ARHGAP18: variants seen among roughly 807,000 people sequenced by gnomAD.
The protein encoded by ARHGAP18 is rho GTPase-activating protein 18.
ARHGAP18 carries 67 observed loss-of-function variants against 86.2 expected under a neutral mutation model. The observed-to-expected ratio is 0.78, with a 90% confidence interval of 0.64 to 0.95. The LOEUF is 0.95. Ranked by LOEUF, ARHGAP18 falls within the 40% of genes least tolerant of loss-of-function variation. ARHGAP18 has a pLI of 0.00. For synonymous variants in ARHGAP18, 283 were observed against 280.4 expected (o/e 1.01, Z -0.09); for missense variants, 691 against 780.4 (o/e 0.89, Z 1.37).
At position 129,676,371 on chromosome 6, in the gene ARHGAP18, T is replaced by A. The variant is rs190541843; in HGVS notation, c.113+33653A>T. Among the ~76,000 whole-genome samples, 1,125 of 152,230 alleles carry A rather than the reference T, an allele frequency of 7.4e-3. 9 individuals are homozygous for A. The highest frequency in any genetic ancestry group is 0.027 in the Middle Eastern group (8 of 294). On this transcript the variant is annotated intron_variant, in intron 1 of 14. Transcript: ENST00000368149. ...TCCAATAACACCATTAGAACCTACA[T>A]CACAGGGTCAGTCTATTCAAGGGGG...
chr6:129,678,188 GGTCT>G (rs958538634), intron 1 of ARHGAP18, among the ~76,000 whole-genome samples: 22 of 152,300 alleles, frequency 1.4e-4, no homozygotes, highest in Admixed American at 7.8e-4. Context: ...GAACCCCAGA[GGTCT>G]GTAAGGTAGG....
intron 1 of ARHGAP18, among the ~76,000 whole-genome samples, chr6:129,706,724 T>C (rs1584126137): frequency 6.6e-6 from 1 of 150,526 alleles, no homozygotes; most frequent in Non-Finnish European, 1.5e-5. Flanking sequence ...CCGTCTCTAC[T>C]AAAAATACAA....
chr6:129,655,337 A>AAG (rs1554339768), intron 1 of ARHGAP18, among the ~76,000 whole-genome samples: 242 of 98,670 alleles, frequency 2.5e-3, no homozygotes, highest in South Asian at 4.8e-3. Context: ...AAAAAAAAAA[A>AAG]AAAAGAAAAG....
chr6:129,615,871 A>G (rs1789087070), intron 7 of ARHGAP18, among the ~76,000 whole-genome samples: 1 of 152,250 alleles, frequency 6.6e-6, no homozygotes, highest in Non-Finnish European at 1.5e-5. Context: ...GAGGAAATAT[A>G]CACAGGCATG....
At chr6:129,688,488 G>A (rs757129883) in intron 1 of ARHGAP18, among the ~76,000 whole-genome samples, 22 of 152,310 alleles carry the variant, frequency 1.4e-4, no homozygotes, top group Admixed American at 6.5e-4. Context: ...CCACAGCACA[G>A]TTTTTAAAAA....
chr6:129,593,959 C>T (rs555496860), intron 12 of ARHGAP18, among the ~76,000 whole-genome samples: 11 of 152,156 alleles, frequency 7.2e-5, no homozygotes, highest in South Asian at 2.1e-4. Context: ...CAATTATAAA[C>T]GGTTAGTTTT....
intron 1 of ARHGAP18, among the ~76,000 whole-genome samples, chr6:129,662,702 T>C (rs905621653): frequency 2.6e-5 from 4 of 152,318 alleles, no homozygotes; most frequent in African/African-American, 9.6e-5. Context: ...ACAGCTCACA[T>C]TGATACAAGA....
chr6:129,709,917 C>T lies in ARHGAP18; in HGVS notation c.113+107G>A, dbSNP rs1402894631. 4.7e-6 allele frequency: 4 copies of T among 852,234 alleles called. No individual in the cohort carries two copies. The South Asian group carries it at 4.7e-5, about 10-fold the overall frequency. 52.8% of individuals were successfully genotyped at this position (852,234 alleles called of 1,614,324 possible). A position where few individuals can be genotyped will look rare whatever the true frequency, so the allele number is the denominator to read the frequency against. On this transcript the variant is annotated intron_variant, in intron 1 of 14. Transcript: ENST00000368149. ...GCTACTGCTGCTGCACGAGCTCAGG[C>T]TCGACGTGCAGATGGAATTCCCTTC...
chr6:129,629,630 C>G (rs894242284), intron 4 of ARHGAP18, 108 bp from the exon 5 acceptor site: 1 of 1,122,560 alleles, frequency 8.9e-7, no homozygotes, highest in South Asian at 1.6e-5. Context: ...ACTATTTTCT[C>G]TAGGCAATAC....
chr6:129,657,534 T>A (rs1001229064), intron 1 of ARHGAP18, among the ~76,000 whole-genome samples: 2 of 152,114 alleles, frequency 1.3e-5, no homozygotes, highest in Non-Finnish European at 2.9e-5. Flanking sequence ...ACATTTTGCT[T>A]CTAAGCATGA....
At chr6:129,604,545 C>T (rs548002419) in intron 10 of ARHGAP18, among the ~76,000 whole-genome samples, 5 of 152,246 alleles carry the variant, frequency 3.3e-5, no homozygotes, top group Middle Eastern at 6.8e-3. Flanking sequence ...AGCCCTGTGT[C>T]GGGAGCACTG....
intron 1 of ARHGAP18, among the ~76,000 whole-genome samples, chr6:129,667,546 A>G (rs2114524519): frequency 6.6e-6 from 1 of 150,776 alleles, no homozygotes; most frequent in African/African-American, 2.4e-5. Flanking sequence ...CTTTAGATTC[A>G]CGGGTACCTA....
intron 7 of ARHGAP18, among the ~76,000 whole-genome samples, chr6:129,613,096 G>A (rs572390407): frequency 7.3e-4 from 111 of 152,110 alleles, no homozygotes; most frequent in Admixed American, 1.8e-3. Flanking sequence ...AGCCAGGCGT[G>A]GTGGCAGGTG....
chr6:129,666,928 A>AGCACTTCCTTTGCTTC (rs780090142), intron 1 of ARHGAP18, among the ~76,000 whole-genome samples: 3 of 152,152 alleles, frequency 2.0e-5, no homozygotes, highest in Non-Finnish European at 4.4e-5. Context: ...ACTTCCTTTA[A>AGCACTTCCTTTGCTTC]ATCTGGGATG....
chr6:129,603,768 CCAT>C (rs1488598085), intron 10 of ARHGAP18, among the ~76,000 whole-genome samples: 1 of 152,156 alleles, frequency 6.6e-6, no homozygotes, highest in Admixed American at 6.6e-5. Context: ...TCCAAATGCA[CCAT>C]AATTCAAAGT....
intron 1 of ARHGAP18, among the ~76,000 whole-genome samples, chr6:129,681,016 A>C (rs1458010154): frequency 6.6e-6 from 1 of 152,178 alleles, no homozygotes; most frequent in Non-Finnish European, 1.5e-5. Flanking sequence ...TTTCCTGGAC[A>C]TGGAGAATTG....
At chr6:129,608,665 T>C (rs1397151626) in intron 8 of ARHGAP18, among the ~76,000 whole-genome samples, 5 of 152,218 alleles carry the variant, frequency 3.3e-5, no homozygotes, top group African/African-American at 1.2e-4. Flanking sequence ...CTAGTTCACT[T>C]ACCTCAGAAC....
chr6:129,607,265 A>C (rs1029342194), intron 9 of ARHGAP18, among the ~76,000 whole-genome samples: 4 of 152,200 alleles, frequency 2.6e-5, no homozygotes, highest in African/African-American at 4.8e-5. Flanking sequence ...AAAATGGATA[A>C]TTAGGCCAGT....
intron 1 of ARHGAP18, among the ~76,000 whole-genome samples, chr6:129,686,229 A>T (rs1774421879): frequency 6.6e-6 from 1 of 152,094 alleles, no homozygotes; most frequent in African/African-American, 2.4e-5. Flanking sequence ...ATAGTGTAAA[A>T]TATGAACTCC....
Sources: gnomAD v4.1 joint callset for allele counts (sites outside exome capture counted in the v4.1 genomes callset) on GRCh38, gnomAD v4.1.1 for gene constraint, MANE v1.5 for transcripts, NCBI Gene and HGNC (gene_info 2026-07-23, HGNC 2026-07-21) for gene names.